Variants in KIAA1549L observed in about 807,000 individuals in gnomAD.
KIAA1549L encodes the protein UPF0606 protein KIAA1549L.
A neutral mutation model predicts 160.7 loss-of-function variants in KIAA1549L; 88 were observed. That is an observed-to-expected ratio of 0.55 (90% CI 0.46 to 0.65). The LOEUF is 0.65. Ranked by LOEUF, KIAA1549L falls within the 30% of genes least tolerant of loss-of-function variation. The pLI is 0.00. For synonymous variants in KIAA1549L, 950 were observed against 976.7 expected, an observed-to-expected ratio of 0.97 and a Z score of 0.51; for missense variants, 2,258 against 2,437.5, an observed-to-expected ratio of 0.93 and a Z score of 1.55.
At chr11:33,547,347 C>CT (rs1487117646) in intron 3 of KIAA1549L, among the ~76,000 whole-genome samples, 1 of 152,234 alleles carries the variant, frequency 6.6e-6, no homozygotes, top group Admixed American at 6.5e-5. Flanking sequence ...CCTTTGTCTC[C>CT]ATCCCACTTG....
chr11:33,621,842 T>C (rs1344204192), intron 16 of KIAA1549L, among the ~76,000 whole-genome samples: 3 of 152,260 alleles, frequency 2.0e-5, no homozygotes, highest in East Asian at 1.9e-4. Context: ...TGATCTGTTT[T>C]TGGAGTTTAA....
At chr11:33,558,617 C>T (rs1475922304) in intron 6 of KIAA1549L, among the ~76,000 whole-genome samples, 1 of 152,146 alleles carries the variant, frequency 6.6e-6, no homozygotes, top group Non-Finnish European at 1.5e-5. Context: ...TTCCTACTAA[C>T]GATGCTTTTC....
intron 1 of KIAA1549L, among the ~76,000 whole-genome samples, chr11:33,453,008 A>G (rs1311242287): frequency 1.3e-5 from 2 of 152,204 alleles, no homozygotes; most frequent in Admixed American, 6.5e-5. Flanking sequence ...TATGCTTAAG[A>G]AGGAATCTTT....
chr11:33,576,318 G>A (rs754785173), intron 10 of KIAA1549L, among the ~76,000 whole-genome samples: 16 of 152,052 alleles, frequency 1.1e-4, no homozygotes, highest in South Asian at 2.1e-4. Context: ...TTGCTCGGCC[G>A]GCATATCCTC....
intron 1 of KIAA1549L, among the ~76,000 whole-genome samples, chr11:33,385,402 GCATTAGA>G (rs1399026228): frequency 3.3e-5 from 5 of 152,170 alleles, no homozygotes; most frequent in African/African-American, 1.2e-4. Flanking sequence ...CCTGTCCTGT[GCATTAGA>G]AGTTTAGCAA....
intron 1 of KIAA1549L, among the ~76,000 whole-genome samples, chr11:33,503,635 T>A (rs983653165): frequency 6.6e-6 from 1 of 152,224 alleles, no homozygotes; most frequent in Non-Finnish European, 1.5e-5. Context: ...CAAAATCTAA[T>A]TGATAACCTT....
In KIAA1549L at chr11:33,389,950, T is replaced by G. The variant is rs112072872; in HGVS notation, c.238+13061T>G. 5.4e-3 allele frequency among the ~76,000 whole-genome samples: 821 copies of G among 152,358 alleles called. 6 individuals carry two copies. Among genetic ancestry groups the G allele is most frequent in the Non-Finnish European group, 8.7e-3 (591 of 68,032 alleles). ...AGCTCCAGTATGGGGCCTCAGGCCA[T>G]GGGGGAATCCCAGGTGACATATTCG... On this transcript the variant is annotated intron_variant, in intron 1 of 20. Transcript: ENST00000658780.
At chr11:33,538,527 T>C (rs1853943808) in intron 1 of KIAA1549L, among the ~76,000 whole-genome samples, 2 of 152,142 alleles carry the variant, frequency 1.3e-5, no homozygotes, top group South Asian at 4.2e-4. Flanking sequence ...GCTGACCAGG[T>C]ATGCGCTGAG....
chr11:33,637,858 C>G (rs1851477262), intron 16 of KIAA1549L, among the ~76,000 whole-genome samples: 1 of 152,220 alleles, frequency 6.6e-6, no homozygotes, highest in African/African-American at 2.4e-5. Context: ...CAAATACAGT[C>G]ACATTCTGAG....
At chr11:33,379,626 G>C (rs1316147973) in intron 1 of KIAA1549L, among the ~76,000 whole-genome samples, 1 of 152,172 alleles carries the variant, frequency 6.6e-6, no homozygotes, top group Non-Finnish European at 1.5e-5. Context: ...CTGTGTGCCT[G>C]TTATGTACAG....
At chr11:33,479,618 A>G (rs1366380734) in intron 1 of KIAA1549L, among the ~76,000 whole-genome samples, 1 of 152,206 alleles carries the variant, frequency 6.6e-6, no homozygotes, top group African/African-American at 2.4e-5. Context: ...GCATCGGAGA[A>G]TAAGAGAAGG....
Position 33,544,091 on chromosome 11 carries a change from C to G in KIAA1549L, c.2528C>G (p.Pro843Arg). The G allele has an allele frequency of 6.2e-7, 1 of 1,614,046 alleles. No homozygotes were observed. The highest frequency in any genetic ancestry group is 8.5e-7 in the Non-Finnish European group (1 of 1,179,898). The change falls in exon 2 of 21, where the codon CCT becomes CGT. Residue 843 changes from proline to arginine, a missense_variant. Coordinates refer to ENST00000658780, the MANE Select transcript of KIAA1549L (RefSeq NM_012194.3). ...QLQLPNQPAH[P>R]LLLTSPGPTS... ...CAGTTGCCCAACCAGCCAGCACATC[C>G]TCTTTTGCTAACCTCACCAGGACCA...
At chr11:33,430,914 T>TTCCAAGAATGAAGCCGTGGACCC (rs1851224981) in intron 1 of KIAA1549L, among the ~76,000 whole-genome samples, 2 of 152,262 alleles carry the variant, frequency 1.3e-5, no homozygotes, top group Non-Finnish European at 2.9e-5. Context: ...TCTCACTGAC[T>TTCCAAGAATGAAGCCGTGGACCC]TCCAAGAATG....
chr11:33,655,039 A>C (rs1460713616), intron 17 of KIAA1549L, among the ~76,000 whole-genome samples: 1 of 152,212 alleles, frequency 6.6e-6, no homozygotes, highest in African/African-American at 2.4e-5. Flanking sequence ...TACCTGAAGA[A>C]AGAAACGGAT....
At chr11:33,500,782 C>T (rs182216187) in intron 1 of KIAA1549L, among the ~76,000 whole-genome samples, 170 of 152,114 alleles carry the variant, frequency 1.1e-3, no homozygotes, top group African/African-American at 4.1e-3. Context: ...AAAATATATA[C>T]AAATGTTGTA....
At chr11:33,412,339 G>A (rs545689932) in intron 1 of KIAA1549L, among the ~76,000 whole-genome samples, 50 of 152,308 alleles carry the variant, frequency 3.3e-4, no homozygotes, top group Middle Eastern at 3.4e-3. Context: ...GACTCCTGTT[G>A]TATCTATTCA....
chr11:33,407,275 G>A (rs180987953), intron 1 of KIAA1549L, among the ~76,000 whole-genome samples: 10 of 151,028 alleles, frequency 6.6e-5, no homozygotes, highest in African/African-American at 2.4e-4. Context: ...TAGTAGAGAC[G>A]GCGTTTCACC....
At chr11:33,392,625 C>T (rs1850292990) in intron 1 of KIAA1549L, among the ~76,000 whole-genome samples, 1 of 152,176 alleles carries the variant, frequency 6.6e-6, no homozygotes, top group South Asian at 2.1e-4. Flanking sequence ...CAGACATTCC[C>T]ATCTCTTCTC....
chr11:33,555,503 C>T (rs1000357854), intron 6 of KIAA1549L, among the ~76,000 whole-genome samples: 1 of 152,168 alleles, frequency 6.6e-6, no homozygotes, highest in African/African-American at 2.4e-5. Context: ...CAGAAATAAA[C>T]CCTCTTGTAT....
Sources: gnomAD v4.1 joint callset for allele counts (sites outside exome capture counted in the v4.1 genomes callset) on GRCh38, gnomAD v4.1.1 for gene constraint, MANE v1.5 for transcripts, NCBI Gene and HGNC (gene_info 2026-07-23, HGNC 2026-07-21) for gene names.